NCBP1: variants seen among roughly 807,000 people sequenced by gnomAD.
NCBP1 encodes nuclear cap binding protein subunit 1.
Under a neutral mutation model 111.7 loss-of-function variants are expected in NCBP1, and 16 were observed. The observed-to-expected ratio is 0.14, with a 90% CI of 0.10 to 0.22. NCBP1 has a LOEUF of 0.22. Ranked by LOEUF, NCBP1 falls within the 10% of genes least tolerant of loss-of-function variation. The pLI, the probability that NCBP1 is intolerant of heterozygous loss-of-function variation, is 1.00. For missense variants in NCBP1, 607 were observed against 957.5 expected, an observed-to-expected ratio of 0.63 and a Z score of 4.83; for synonymous variants, 304 against 314.3, an observed-to-expected ratio of 0.97 and a Z score of 0.35.
intron 4 of NCBP1, among the ~76,000 whole-genome samples, chr9:97,643,597 G>A (rs1827258816): frequency 6.6e-6 from 1 of 152,056 alleles, no homozygotes. Flanking sequence ...TACCTTACTA[G>A]GAAGTGCCTA....
chr9:97,653,473 C>T (rs1827556062), intron 10 of NCBP1, among the ~76,000 whole-genome samples: 1 of 152,120 alleles, frequency 6.6e-6, no homozygotes, highest in Non-Finnish European at 1.5e-5. Flanking sequence ...TTTTGAGCCC[C>T]TCAAAAAGCT....
At chr9:97,657,910 A>C (rs5028065) in intron 14 of NCBP1, among the ~76,000 whole-genome samples, 31,889 of 105,182 alleles carry the variant, frequency 0.3, 4,672 homozygotes, top group South Asian at 0.44. Context: ...CTCTCTCTAT[A>C]TATATATATA....
chr9:97,653,391 G>A (rs1235998502), intron 10 of NCBP1, among the ~76,000 whole-genome samples: 1 of 152,176 alleles, frequency 6.6e-6, no homozygotes, highest in Non-Finnish European at 1.5e-5. Flanking sequence ...AAAGTGCTGG[G>A]ATTACAGGCG....
chr9:97,650,422 T>C (rs185453643), intron 8 of NCBP1, 81 bp from the exon 9 acceptor site: 34 of 1,026,842 alleles, frequency 3.3e-5, no homozygotes, highest in East Asian at 2.4e-4. Context: ...TGGAACATAA[T>C]AGTCTCTCAA....
chr9:97,648,335 T>C, intron 8 of NCBP1, 112 bp downstream of exon 8: 3 of 922,576 alleles, frequency 3.3e-6, no homozygotes, highest in Non-Finnish European at 1.6e-6. Context: ...TGTTTTTATC[T>C]AAGAAGGTCA....
chr9:97,661,732 GTTT>G (rs34390822), intron 16 of NCBP1, among the ~76,000 whole-genome samples: 4,642 of 113,050 alleles, frequency 0.041, 244 homozygotes, highest in African/African-American at 0.13. Context: ...AAGCTTAAGT[GTTT>G]TTTTTTTTTT....
At chr9:97,666,240 T>A (rs1204930580) in intron 19 of NCBP1, among the ~76,000 whole-genome samples, 1 of 152,236 alleles carries the variant, frequency 6.6e-6, no homozygotes, top group Non-Finnish European at 1.5e-5. Context: ...AAAGCTGACA[T>A]ATAATTATCT....
intron 2 of NCBP1, 76 bp downstream of exon 2, chr9:97,640,958 T>C: frequency 8.6e-7 from 1 of 1,161,292 alleles, no homozygotes; most frequent in Non-Finnish European, 1.2e-6. Flanking sequence ...TTTTTGCAGC[T>C]GAAAAGTTGG....
At chr9:97,650,432 A>G in intron 8 of NCBP1, 71 bp from the exon 9 acceptor site, 8 of 1,168,786 alleles carry the variant, frequency 6.8e-6, no homozygotes, top group African/African-American at 3.1e-5. Context: ...TAGTCTCTCA[A>G]ATATTTGTTG....
At chr9:97,648,310 GTTTTAA>G in intron 8 of NCBP1, 87 bp downstream of exon 8, 4 of 1,259,678 alleles carry the variant, frequency 3.2e-6, no homozygotes, top group Non-Finnish European at 4.5e-6. Context: ...CCTGTGGTAT[GTTTTAA>G]TTTTGAGTTG....
At position 97,650,701 on chromosome 9, in the gene NCBP1, C is replaced by G. The variant is rs1472621553; in HGVS notation, c.995+101C>G. The stretch of plus-strand genomic sequence containing the variant: ...GTTGAGAGTGTAAGAAAATTTTATC[C>G]TCCTGACTCCCTGTCTTGCTAAAAT... On this transcript the variant is annotated intron_variant, in intron 9 of 22. Transcript: ENST00000375147. 1.9e-5 allele frequency: 17 copies of G among 874,798 alleles called. 1 individual carries two copies. Among genetic ancestry groups the G allele is most frequent in the Non-Finnish European group, 3.1e-5 (17 of 552,724 alleles). 54.2% of individuals were successfully genotyped at this position (874,798 alleles called of 1,614,324 possible).
chr9:97,660,108 T>G (rs1435966244), intron 15 of NCBP1, among the ~76,000 whole-genome samples: 2 of 152,248 alleles, frequency 1.3e-5, no homozygotes, highest in Non-Finnish European at 2.9e-5. Context: ...GTTCCCCAGC[T>G]AGAATGTAGA....
chr9:97,634,406 G>C (rs902266976), intron 1 of NCBP1: 1 of 155,414 alleles, frequency 6.4e-6, no homozygotes, highest in African/African-American at 2.4e-5. Context: ...CTTCTTTCAA[G>C]CTGCAGGGAA....
In NCBP1 at chr9:97,662,090, C is replaced by T; in HGVS notation, c.1649C>T (p.Thr550Ile). The T allele has an allele frequency of 6.2e-7, 1 of 1,613,916 alleles. No homozygotes were observed. Among genetic ancestry groups the T allele is most frequent in the Non-Finnish European group, 8.5e-7 (1 of 1,179,854 alleles). ...NPLKIEVFVQ[T>I]LLHLAAKSFS... ...TTGAAAATAGAAGTCTTTGTACAGACTCTGCTACACTTGGCAGCCAAATCA... is the reference window on the plus strand; with the variant it reads ...TTGAAAATAGAAGTCTTTGTACAGATTCTGCTACACTTGGCAGCCAAATCA... The change falls in exon 17 of 23, where the codon ACT becomes ATT. Residue 550 changes from threonine to isoleucine, a missense_variant. Thr to Ile is a moderately conservative substitution (Grantham distance 89). Around this residue, in one of 9 missense-constraint regions of NCBP1, gnomAD observed 282 missense variants for 376.5 expected, o/e 0.75. Coordinates refer to ENST00000375147, the MANE Select transcript of NCBP1 (RefSeq NM_002486.5).
intron 20 of NCBP1, among the ~76,000 whole-genome samples, chr9:97,667,847 A>G (rs1828055050): frequency 6.6e-6 from 1 of 152,248 alleles, no homozygotes; most frequent in African/African-American, 2.4e-5. Flanking sequence ...ACATATTTAT[A>G]TAACATTGGC....
intron 20 of NCBP1, among the ~76,000 whole-genome samples, chr9:97,667,489 C>T (rs1459218244): frequency 3.3e-5 from 5 of 152,114 alleles, no homozygotes; most frequent in Admixed American, 3.3e-4. Context: ...TGTAGACATA[C>T]CTGTATACAT....
intron 20 of NCBP1, among the ~76,000 whole-genome samples, chr9:97,668,640 T>C (rs7853179): frequency 0.26 from 39,727 of 151,656 alleles, 6,109 homozygotes; most frequent in East Asian, 0.47. Flanking sequence ...TAAGAACCCA[T>C]GGAATTTCTG....
Position 97,641,575 on chromosome 9 carries a change from T to C in NCBP1, c.137T>C (p.Leu46Ser). Residue 46 changes from leucine (L) to serine (S), a missense_variant, in exon 3 of 23, where the codon TTG (leucine) becomes TCG (serine). Physicochemically the swap from Leu to Ser is moderately radical, Grantham distance 145. Around this residue, in one of 9 missense-constraint regions of NCBP1, gnomAD observed 185 missense variants for 272.0 expected, o/e 0.68. Coordinates refer to ENST00000375147, the MANE Select transcript of NCBP1 (RefSeq NM_002486.5). ...TGTCCTCTACAGAGTGCCTGCTCTTTGGAGAGCAACCTAGAAGGCTTGGCT... is the reference window on the plus strand; with the variant it reads ...TGTCCTCTACAGAGTGCCTGCTCTTCGGAGAGCAACCTAGAAGGCTTGGCT... ...CKVGEKSACS[L>S]ESNLEGLAGV... 6.2e-7 allele frequency: 1 copy of C among 1,608,574 alleles called. No homozygotes were observed. The highest frequency in any genetic ancestry group is 8.5e-7 in the Non-Finnish European group (1 of 1,175,858).
At chr9:97,636,671 T>TATATATAA (rs1237495428) in intron 1 of NCBP1, among the ~76,000 whole-genome samples, 2 of 120,562 alleles carry the variant, frequency 1.7e-5, no homozygotes, top group Non-Finnish European at 3.5e-5. Context: ...TATATATATA[T>TATATATAA]ATAAAATCAT....
Sources: allele counts gnomAD v4.1 joint callset (sites outside exome capture counted in the v4.1 genomes callset), GRCh38; gene constraint gnomAD v4.1.1; regional missense constraint gnomAD v4.1.1; transcripts MANE v1.5; gene names NCBI Gene and HGNC (gene_info 2026-07-23, HGNC 2026-07-21).